Variants in ABCA5 observed in about 807,000 individuals in gnomAD.
ABCA5 encodes ATP binding cassette subfamily A member 5.
ABCA5 carries 163 observed loss-of-function variants against 206.0 expected under a neutral mutation model. The observed-to-expected ratio is 0.79, with a 90% confidence interval of 0.70 to 0.90. The LOEUF (loss-of-function observed/expected upper bound fraction) is 0.90, where lower values mean the gene tolerates loss of function less well. ABCA5 is among the 40% of genes least tolerant of loss of function. The pLI is 0.00. For missense variants in ABCA5, 1,859 were observed against 1,912.9 expected, an observed-to-expected ratio of 0.97 and a Z score of 0.53; for synonymous variants, 609 against 613.8, an observed-to-expected ratio of 0.99 and a Z score of 0.11.
At chr17:69,256,727 A>T (rs2075087389) in intron 28 of ABCA5, among the ~76,000 whole-genome samples, 1 of 152,112 alleles carries the variant, frequency 6.6e-6, no homozygotes. Flanking sequence ...AAGTACTGGG[A>T]TTACAGGTTC....
At position 69,250,577 on chromosome 17, in the gene ABCA5, C is replaced by G; in HGVS notation, c.4580G>C (p.Gly1527Ala). ...VQHLKSKFGK[G>A]YFLEIKLKDW... is the part of the protein sequence containing the mutation. ...CTTCAATTTAATTTCCAAAAAGTAG[C>G]CTTTTCCAAATTTACTCTTTAGATG... is the stretch of plus-strand genomic sequence containing the variant. Residue 1527 changes from glycine to alanine, a missense_variant, in exon 36 of 39, where the codon GGC (glycine) becomes GCC (alanine). By Grantham distance (60) the Gly-to-Ala change is moderately conservative. Transcript: ENST00000392676. 6.3e-7 allele frequency: 1 copy of G among 1,599,730 alleles called. No homozygotes were observed. The highest frequency in any genetic ancestry group is 8.5e-7 in the Non-Finnish European group (1 of 1,175,032).
intron 9 of ABCA5, among the ~76,000 whole-genome samples, chr17:69,297,882 C>T (rs942918120): frequency 6.6e-6 from 1 of 152,002 alleles, no homozygotes; most frequent in Non-Finnish European, 1.5e-5. Flanking sequence ...AAATATGAGA[C>T]TTAGAAATGG....
chr17:69,267,902 C>T (rs778308336), intron 23 of ABCA5, 41 bp downstream of exon 23: 48 of 1,191,448 alleles, frequency 4.0e-5, no homozygotes, highest in Non-Finnish European at 5.3e-5. Flanking sequence ...TTATATGACA[C>T]TTCTTATTAG....
intron 18 of ABCA5, among the ~76,000 whole-genome samples, chr17:69,283,459 G>A (rs1028046664): frequency 2.6e-5 from 4 of 152,032 alleles, no homozygotes; most frequent in Non-Finnish European, 4.4e-5. Flanking sequence ...CTCTCTGATA[G>A]CTTCCACACT....
Position 69,302,866 on chromosome 17 carries a change from G to A in ABCA5, c.971C>T (p.Ser324Leu). ...AAATTCAACTATTCCCACATGTTTTGATTTTTTAAAAAGAGGTGTCAGCAT... is the reference window on the plus strand; with the variant it reads ...AAATTCAACTATTCCCACATGTTTTAATTTTTTAAAAAGAGGTGTCAGCAT... ...ALMLTPLFKK[S>L]KHVGIVEFFV... Residue 324 changes from serine (S) to leucine (L), a missense_variant, in exon 8 of 39, where the codon TCA becomes TTA. Physicochemically the swap from Ser to Leu is moderately radical, Grantham distance 145 (BLOSUM62 -2). Coordinates refer to ENST00000392676, the MANE Select transcript of ABCA5 (RefSeq NM_172232.4). The A allele has an allele frequency of 6.4e-7, 1 of 1,567,418 alleles. No homozygotes were observed. Among genetic ancestry groups the A allele is most frequent in the Non-Finnish European group, 8.6e-7 (1 of 1,163,104 alleles).
In ABCA5 at chr17:69,271,273, A is replaced by T. The variant is rs377373836; in HGVS notation, c.2781T>A (p.Asp927Glu). The change falls in exon 21 of 39, where the codon GAT (aspartate) becomes GAA (glutamate). Residue 927 changes from aspartate to glutamate, a missense_variant. Coordinates refer to ENST00000392676, the MANE Select transcript of ABCA5 (RefSeq NM_172232.4). ...TCTGGCTTGTGAAAAAGCTAATAAGATCACTGATATCTGAGTCTGGTGTTA... is the reference window on the plus strand; with the variant it reads ...TCTGGCTTGTGAAAAAGCTAATAAGTTCACTGATATCTGAGTCTGGTGTTA... ...LQNSADSDISDLISFFTSQNI... is the reference protein window; with the variant it reads ...LQNSADSDISELISFFTSQNI... 3.1e-6 allele frequency: 5 copies of T among 1,610,888 alleles called. No individual in the cohort carries two copies. Among genetic ancestry groups the T allele is most frequent in the Non-Finnish European group, 4.2e-6 (5 of 1,179,010 alleles).
chr17:69,259,890 T>A, intron 27 of ABCA5, 93 bp from the exon 28 acceptor site: 1 of 616,914 alleles, frequency 1.6e-6, no homozygotes, highest in Non-Finnish European at 2.7e-6. Flanking sequence ...ACTACATACA[T>A]CAAGTTCCTT....
At chr17:69,253,403 T>C (rs2075038556) in intron 34 of ABCA5, among the ~76,000 whole-genome samples, 170 bp downstream of exon 34, 1 of 152,226 alleles carries the variant, frequency 6.6e-6, no homozygotes, top group African/African-American at 2.4e-5. Flanking sequence ...ATATGCAAAG[T>C]TTTAAAAGCT....
chr17:69,308,573 ATG>A (rs1227909291), intron 4 of ABCA5, among the ~76,000 whole-genome samples: 1 of 152,228 alleles, frequency 6.6e-6, no homozygotes, highest in African/African-American at 2.4e-5. Flanking sequence ...TAAAAGTTAT[ATG>A]TGTTAGAATA....
chr17:69,251,925 G>T, intron 34 of ABCA5, 59 bp from the exon 35 acceptor site: 1 of 1,576,352 alleles, frequency 6.3e-7, no homozygotes. Context: ...AAAAAAAATG[G>T]GTTTTTAAAA....
At chr17:69,279,586 G>C (rs201408061) in intron 18 of ABCA5, among the ~76,000 whole-genome samples, 2 of 150,668 alleles carry the variant, frequency 1.3e-5, no homozygotes, top group African/African-American at 4.9e-5. Flanking sequence ...TCAATCCTAA[G>C]CCAAAAGAAC....
At chr17:69,283,883 A>G in intron 18 of ABCA5, 70 bp downstream of exon 18, 1 of 1,446,646 alleles carries the variant, frequency 6.9e-7, no homozygotes, top group South Asian at 1.4e-5. Context: ...AATTACATTT[A>G]TATAATTTTT....
chr17:69,310,334 T>C (rs1332832187), intron 3 of ABCA5, among the ~76,000 whole-genome samples: 1 of 152,060 alleles, frequency 6.6e-6, no homozygotes, highest in Non-Finnish European at 1.5e-5. Flanking sequence ...AGAAATGAGG[T>C]GTCACTACAT....
chr17:69,276,788 C>T (rs1445195283), intron 19 of ABCA5, among the ~76,000 whole-genome samples: 2 of 152,084 alleles, frequency 1.3e-5, no homozygotes, highest in East Asian at 3.8e-4. Flanking sequence ...TATCCCAGAA[C>T]TTAAAGTATA....
rs2074957218 is a variant in ABCA5 at position 69,246,826 on chromosome 17, T to G, written c.*711A>C. On this transcript the variant is annotated 3_prime_UTR_variant, in exon 39 of 39. Coordinates refer to ENST00000392676, the MANE Select transcript of ABCA5 (RefSeq NM_172232.4). ...CAAAGAATCAGACTATTACGTAAGATTCTACACACAGTCTTCCTTTAATTA... is the reference window on the plus strand; with the variant it reads ...CAAAGAATCAGACTATTACGTAAGAGTCTACACACAGTCTTCCTTTAATTA... 6.6e-6 allele frequency: 1 copy of G among 151,852 alleles called. No homozygotes were observed. Among genetic ancestry groups the G allele is most frequent in the Non-Finnish European group, 1.5e-5 (1 of 67,804 alleles). 9.4% of individuals were successfully genotyped at this position (151,852 alleles called of 1,614,324 possible). A position where few individuals can be genotyped will look rare whatever the true frequency, so the allele number is the denominator to read the frequency against.
intron 3 of ABCA5, among the ~76,000 whole-genome samples, chr17:69,310,664 T>G (rs1244591830): frequency 1.3e-5 from 2 of 152,234 alleles, no homozygotes; most frequent in Non-Finnish European, 2.9e-5. Context: ...AAGACTAATT[T>G]TTAAATATTT....
At chr17:69,269,154 A>C (rs1218003011) in intron 22 of ABCA5, among the ~76,000 whole-genome samples, 1 of 152,184 alleles carries the variant, frequency 6.6e-6, no homozygotes, top group East Asian at 1.9e-4. Context: ...GAAAATTGTA[A>C]GTTGTAAAAT....
intron 31 of ABCA5, 130 bp from the exon 32 acceptor site, chr17:69,254,620 CATTATT>C (rs2075054058): frequency 1.8e-6 from 1 of 564,238 alleles, no homozygotes; most frequent in Non-Finnish European, 2.9e-6. Context: ...CCTTTATTGT[CATTATT>C]ATTATTATCA....
chr17:69,280,962 G>A (rs1417514250), intron 18 of ABCA5, among the ~76,000 whole-genome samples: 1 of 151,714 alleles, frequency 6.6e-6, no homozygotes, highest in East Asian at 1.9e-4. Context: ...CAGCACACCA[G>A]CATGGCACAT....
Sources: allele counts gnomAD v4.1 joint callset (sites outside exome capture counted in the v4.1 genomes callset), GRCh38; gene constraint gnomAD v4.1.1; transcripts MANE v1.5; gene names NCBI Gene and HGNC (gene_info 2026-07-23, HGNC 2026-07-21).